EZR: variants seen among roughly 807,000 people sequenced by gnomAD.
EZR encodes cytovillin 2.
In EZR, 40 loss-of-function variants were observed where a neutral mutation model predicts 74.8. The ratio of observed to expected loss-of-function variants is 0.53; its 90% CI spans 0.42 to 0.70. The LOEUF is 0.70. Ranked by LOEUF, EZR falls within the 30% of genes least tolerant of loss-of-function variation. The pLI is 0.00. For synonymous variants in EZR, 341 were observed against 283.3 expected (o/e 1.20, Z -2.05); for missense variants, 678 against 755.8 (o/e 0.90, Z 1.21).
At chr6:158,802,584 T>G (rs963450440) in intron 2 of EZR, among the ~76,000 whole-genome samples, 23 of 152,166 alleles carry the variant, frequency 1.5e-4, no homozygotes, top group Admixed American at 1.3e-4. Context: ...CAGGCTGGAG[T>G]GCAGTGGCGC....
chr6:158,769,501 G>C (rs1435193672), intron 11 of EZR, 83 bp from the exon 12 acceptor site: 1 of 1,396,180 alleles, frequency 7.2e-7, no homozygotes, highest in Non-Finnish European at 1.0e-6. Context: ...ATGTGTGTTG[G>C]CAAGCAGTCT....
rs111637051 is a variant in EZR, at chr6:158,810,380, T to TC, written c.12+7701dup. On this transcript the variant is annotated intron_variant, in intron 2 of 13. Transcript: ENST00000367075. The stretch of plus-strand genomic sequence containing the variant: ...AAGGATCTTACCAGCCGGGAGGCCC[T>TC]CCCTGGTCTCCAGGGCACACTTCTC... 7.4e-3 allele frequency among the ~76,000 whole-genome samples: 1,128 copies of TC among 152,258 alleles called. 6 individuals carry two copies. Among genetic ancestry groups the TC allele is most frequent in the African/African-American group, 0.026 (1,074 of 41,550 alleles).
intron 4 of EZR, 113 bp from the exon 5 acceptor site, chr6:158,785,696 ATATT>A: frequency 7.5e-7 from 1 of 1,325,242 alleles, no homozygotes; most frequent in South Asian, 1.4e-5. Context: ...TTTTCAGGAG[ATATT>A]TATTCTTAAA....
intron 7 of EZR, among the ~76,000 whole-genome samples, chr6:158,777,811 G>A (rs1470438705): frequency 1.3e-5 from 2 of 152,058 alleles, no homozygotes; most frequent in Admixed American, 1.3e-4. Flanking sequence ...GTGCCTGCAG[G>A]AATGATGGCA....
intron 7 of EZR, 142 bp from the exon 8 acceptor site, chr6:158,776,646 T>C (rs940554478): frequency 1.6e-5 from 10 of 637,880 alleles, no homozygotes; most frequent in Non-Finnish European, 2.4e-5. Context: ...TTATATGCTA[T>C]TATCAAATAG....
At chr6:158,794,876 A>C (rs2128572586) in intron 2 of EZR, among the ~76,000 whole-genome samples, 1 of 152,300 alleles carries the variant, frequency 6.6e-6, no homozygotes, top group East Asian at 1.9e-4. Flanking sequence ...GACAAAAAGA[A>C]CCATGTGGTT....
chr6:158,778,814 T>C (rs9456353), intron 7 of EZR, among the ~76,000 whole-genome samples: 2,159 of 152,296 alleles, frequency 0.014, 66 homozygotes, highest in African/African-American at 0.049. Flanking sequence ...TACATACTCA[T>C]AGATCATAAC....
At chr6:158,800,529 G>A (rs947972608) in intron 2 of EZR, among the ~76,000 whole-genome samples, 1 of 152,176 alleles carries the variant, frequency 6.6e-6, no homozygotes, top group African/African-American at 2.4e-5. Context: ...GGCTGGGCAC[G>A]GTGGCTCATG....
At chr6:158,769,734 A>G (rs770331947) in intron 11 of EZR, 50 bp downstream of exon 11, 9 of 1,602,072 alleles carry the variant, frequency 5.6e-6, no homozygotes, top group Non-Finnish European at 7.7e-6. Flanking sequence ...TTCCATCCTC[A>G]GAAGCAGCCT....
chr6:158,774,384 A>T (rs3123103), intron 8 of EZR, among the ~76,000 whole-genome samples: 16,823 of 152,048 alleles, frequency 0.11, 958 homozygotes, highest in Middle Eastern at 0.15. Flanking sequence ...TCACAGCTGT[A>T]CTGTTAAATT....
intron 8 of EZR, among the ~76,000 whole-genome samples, chr6:158,775,032 C>G (rs1298787999): frequency 9.4e-6 from 1 of 105,882 alleles, no homozygotes; most frequent in Non-Finnish European, 2.0e-5. Context: ...ACAGCAGGAG[C>G]CCTTTTTTTT....
chr6:158,796,312 T>G (rs1777068974), intron 2 of EZR, among the ~76,000 whole-genome samples: 1 of 152,260 alleles, frequency 6.6e-6, no homozygotes, highest in African/African-American at 2.4e-5. Context: ...AACCCCAAGC[T>G]GCTTTATTTT....
At chr6:158,800,365 G>A (rs1244137594) in intron 2 of EZR, among the ~76,000 whole-genome samples, 1 of 152,156 alleles carries the variant, frequency 6.6e-6, no homozygotes, top group Non-Finnish European at 1.5e-5. Context: ...GAAAGGAAGG[G>A]CTAGAAGAAA....
At chr6:158,816,696 T>A (rs543273015) in intron 2 of EZR, among the ~76,000 whole-genome samples, 2 of 146,592 alleles carry the variant, frequency 1.4e-5, no homozygotes, top group African/African-American at 5.2e-5. Flanking sequence ...GCAAAAATTA[T>A]ATTGGCTTCT....
chr6:158,806,405 A>C (rs1374424830), intron 2 of EZR, among the ~76,000 whole-genome samples: 1 of 152,132 alleles, frequency 6.6e-6, no homozygotes, highest in Non-Finnish European at 1.5e-5. Context: ...AAGTAGAGAG[A>C]ATAAGTAGTA....
intron 2 of EZR, among the ~76,000 whole-genome samples, chr6:158,793,388 T>C (rs1791792267): frequency 6.6e-6 from 1 of 152,004 alleles, no homozygotes; most frequent in South Asian, 2.1e-4. Flanking sequence ...AACCCCTTCT[T>C]AGAATCACAG....
intron 2 of EZR, among the ~76,000 whole-genome samples, chr6:158,805,085 G>A (rs2128575356): frequency 6.6e-6 from 1 of 152,176 alleles, no homozygotes; most frequent in South Asian, 2.1e-4. Context: ...GAGTGAGAAG[G>A]TGAGTCTAGG....
intron 7 of EZR, among the ~76,000 whole-genome samples, chr6:158,777,424 T>C (rs944647548): frequency 2.0e-5 from 3 of 152,242 alleles, no homozygotes; most frequent in Non-Finnish European, 4.4e-5. Context: ...CTGGCTTTTA[T>C]TAGCATTCCC....
chr6:158,812,116 T>C (rs544675442), intron 2 of EZR, among the ~76,000 whole-genome samples: 8 of 152,332 alleles, frequency 5.3e-5, no homozygotes, highest in African/African-American at 1.7e-4. Context: ...TTGAATGGCC[T>C]GCCCAAGTAT....
Sources: allele counts gnomAD v4.1 joint callset (sites outside exome capture counted in the v4.1 genomes callset), GRCh38; gene constraint gnomAD v4.1.1; transcripts MANE v1.5; gene names NCBI Gene and HGNC (gene_info 2026-07-23, HGNC 2026-07-21).